TLN1: variants seen among roughly 807,000 people sequenced by gnomAD.
The protein encoded by TLN1 is talin 1.
A neutral mutation model predicts 292.3 loss-of-function variants in TLN1; 56 were observed. That is an observed-to-expected ratio of 0.19 (90% CI 0.15 to 0.24). The LOEUF is 0.24. TLN1 is among the 10% of genes least tolerant of loss of function. TLN1 has a pLI of 1.00. For synonymous variants in TLN1, 1,119 were observed against 1,253.7 expected (o/e 0.89, Z 2.27); for missense variants, 2,433 against 3,248.2 (o/e 0.75, Z 6.10).
rs202220405 is a variant in TLN1 at position 35,697,931 on chromosome 9, C to T, written c.7501-15G>A. On this transcript the variant is annotated splice_polypyrimidine_tract_variant and intron_variant, in intron 56 of 56. Coordinates refer to ENST00000314888, the MANE Select transcript of TLN1 (RefSeq NM_006289.4). ...GCTGCGATGATCTGAGGGTGGAGAT[C>T]GGGGACTTAGTTCAGTGAGGATGCA... 66 of 1,613,944 alleles carry T rather than the reference C, an allele frequency of 4.1e-5. No individual in the cohort carries two copies. Among genetic ancestry groups the T allele is most frequent in the Non-Finnish European group, 5.3e-5 (62 of 1,180,000 alleles).
intron 3 of TLN1, 81 bp downstream of exon 3, chr9:35,725,143 T>C (rs1825947685): frequency 6.4e-7 from 1 of 1,550,410 alleles, no homozygotes; most frequent in African/African-American, 1.4e-5. Context: ...AGACAACAGA[T>C]GTGGGTGCTG....
intron 1 of TLN1, among the ~76,000 whole-genome samples, chr9:35,729,537 G>A (rs532333966): frequency 1.2e-4 from 19 of 152,290 alleles, no homozygotes; most frequent in East Asian, 1.9e-4. Context: ...AGACATAACC[G>A]GAACTGGATT....
At chr9:35,700,137 C>G (rs1419089917) in intron 49 of TLN1, 54 bp downstream of exon 49, 2 of 1,592,502 alleles carry the variant, frequency 1.3e-6, no homozygotes, top group Non-Finnish European at 1.7e-6. Flanking sequence ...CAGTTTCTCT[C>G]CCACTATGTT....
Position 35,698,352 on chromosome 9 carries a change from G to T in TLN1, c.7342C>A (p.Gln2448Lys), listed in dbSNP as rs1445829432. 1.2e-6 allele frequency: 2 copies of T among 1,614,164 alleles called. No homozygotes were observed. The highest frequency in any genetic ancestry group is 4.5e-5 in the East Asian group (2 of 44,890). ...LLVACKVKAD[Q>K]DSEAMKRLQA... ...AGTCGTTTCATTGCCTCCGAGTCCT[G>T]GTCAGCCTTGACCTTGCAGGCCACA... Residue 2448 changes from glutamine to lysine, a missense_variant, in exon 55 of 57, where the codon CAG (glutamine) becomes AAG (lysine). By Grantham distance (53) the Gln-to-Lys change is moderately conservative. This residue lies in a region of TLN1 where 141 missense variants were observed against 248.5 expected (regional missense o/e 0.57). Coordinates refer to ENST00000314888, the MANE Select transcript of TLN1 (RefSeq NM_006289.4). This position sits in a 1 kb window ranked among gnomAD's most constrained non-coding sequence, Gnocchi z 5.3.
In TLN1 at chr9:35,707,261, G is replaced by A; in HGVS notation, c.4774-8C>T. On this transcript the variant is annotated splice_region_variant and splice_polypyrimidine_tract_variant and intron_variant, in intron 36 of 56. Transcript: ENST00000314888. This position sits in a 1 kb window ranked among gnomAD's most constrained non-coding sequence, Gnocchi z 5.6. ...CTCCATGGCAGCCCGACCCTGGGGA[G>A]AGGGGAGGCAGGAAGGTAAGTCTCA... is the stretch of plus-strand genomic sequence containing the variant. 5.6e-6 allele frequency: 9 copies of A among 1,603,476 alleles called. No homozygotes were observed. Among genetic ancestry groups the A allele is most frequent in the Non-Finnish European group, 6.8e-6 (8 of 1,172,574 alleles).
In TLN1 at chr9:35,706,857, C is replaced by G; in HGVS notation, c.4999G>C (p.Ala1667Pro). The G allele has an allele frequency of 6.2e-7, 1 of 1,614,090 alleles. No homozygotes were observed. The highest frequency in any genetic ancestry group is 8.5e-7 in the Non-Finnish European group (1 of 1,180,044). The change falls in exon 38 of 57, where the codon GCT (alanine) becomes CCT (proline). Residue 1667 changes from alanine (A) to proline (P), a missense_variant. Transcript: ENST00000314888. The surrounding 1 kb of genome is among the most constrained non-coding windows in gnomAD (Gnocchi z 4.2). The part of the protein sequence containing the change: ...GQLECETAIA[A>P]LNSCLRDLDQ... ...AGGTCCCGTAGACAACTGTTCAGAG[C>G]TGCAATGGCCGTTTCACACTCCAGC...
Position 35,706,039 on chromosome 9 carries a change from T to C in TLN1, c.5434A>G (p.Thr1812Ala), listed in dbSNP as rs769786192. The C allele has an allele frequency of 4.3e-6, 7 of 1,614,072 alleles. No individual in the cohort carries two copies. The highest frequency in any genetic ancestry group is 1.3e-5 in the African/African-American group (1 of 74,926). The change falls in exon 41 of 57, where the codon ACA (threonine) becomes GCA (alanine). Residue 1812 changes from threonine to alanine, a missense_variant. Transcript: ENST00000314888. The surrounding 1 kb of genome is among the most constrained non-coding windows in gnomAD (Gnocchi z 4.2). ...MMTEAVEDLT[T>A]TLNEAASAAG... ...GCACTGGCTGCCTCGTTGAGGGTTG[T>C]TGTCAGGTCCTCTACGGCCTCGGTC...
chr9:35,699,136 C>T lies in TLN1; in HGVS notation c.6895G>A (p.Glu2299Lys). The T allele has an allele frequency of 6.2e-7, 1 of 1,612,740 alleles. No homozygotes were observed. The highest frequency in any genetic ancestry group is 8.5e-7 in the Non-Finnish European group (1 of 1,179,202). ...AMKGTEWVDP[E>K]DPTVIAENEL... ...TTCTCAGCAATGACTGTGGGGTCCT[C>T]TGGGTCTACCCATTCTGTTCCTGGT... The change falls in exon 52 of 57, where the codon GAG becomes AAG. Residue 2299 changes from glutamate (E) to lysine (K), a missense_variant. Physicochemically the swap from Glu to Lys is moderately conservative, Grantham distance 56. Transcript: ENST00000314888. This position sits in a 1 kb window ranked among gnomAD's most constrained non-coding sequence, Gnocchi z 4.0.
In TLN1 at chr9:35,699,559, T is replaced by C. The variant is rs1055059387; in HGVS notation, c.6769-98A>G. On this transcript the variant is annotated intron_variant, in intron 50 of 56. Coordinates refer to ENST00000314888, the MANE Select transcript of TLN1 (RefSeq NM_006289.4). This position sits in a 1 kb window ranked among gnomAD's most constrained non-coding sequence, Gnocchi z 4.0. Reference sequence around the variant, plus strand: ...ACCATGGCCCCCTCACCCCTATCCCTAGAGCACTCCACACCATAGCCCTCA... The same window carrying C: ...ACCATGGCCCCCTCACCCCTATCCCCAGAGCACTCCACACCATAGCCCTCA... The C allele has an allele frequency of 3.1e-5, 45 of 1,472,134 alleles. No individual in the cohort carries two copies. In the African/African-American group the frequency reaches 6.0e-4, roughly 20 times the overall value. The allele number at this position is 1,472,134 out of a possible 1,614,324, so 91.2% of individuals were successfully genotyped here.
rs761589467 is a variant in TLN1, at chr9:35,722,198, C to G, written c.869G>C (p.Ser290Thr). 30 of 1,614,236 alleles carry G rather than the reference C, an allele frequency of 1.9e-5. No homozygotes were observed. In the East Asian group the frequency reaches 6.5e-4, roughly 35 times the overall value. ...GTAGCGGACCTTGGCCTCAATCTCA[C>G]TCATCTGCCCACAATTCTTGTGTGC... Reference protein sequence around the residue: ...FQAHKNCGQMSEIEAKVRYVK... With the variant: ...FQAHKNCGQMTEIEAKVRYVK... Residue 290 changes from serine to threonine, a missense_variant, in exon 9 of 57, where the codon AGT becomes ACT. By Grantham distance (58) the Ser-to-Thr change is moderately conservative. Coordinates refer to ENST00000314888, the MANE Select transcript of TLN1 (RefSeq NM_006289.4).
Position 35,717,718 on chromosome 9 carries a change from A to G in TLN1, c.2064T>C (p.Ser688=). ...CCGAGTCCTCTGTCCGCTGGGCCAC[A>G]CTCTTGGCCTTGAGGACCAGGGCAG... ...AAAALVLKAK[S]VAQRTEDSGL... Residue 688 remains serine, a synonymous_variant, in exon 18 of 57, where the codon AGT becomes AGC. Transcript: ENST00000314888. This position sits in a 1 kb window ranked among gnomAD's most constrained non-coding sequence, Gnocchi z 4.7. 1 of 1,613,618 alleles carries G rather than the reference A, an allele frequency of 6.2e-7. No individual in the cohort carries two copies. The highest frequency in any genetic ancestry group is 8.5e-7 in the Non-Finnish European group (1 of 1,179,738).
chr9:35,707,102 T>C lies in TLN1; in HGVS notation c.4925A>G (p.Asp1642Gly), dbSNP rs780623928. Residue 1642 changes from aspartate (D) to glycine (G), a missense_variant, in exon 37 of 57, where the codon GAC becomes GGC. By Grantham distance (94) the Asp-to-Gly change is moderately conservative (BLOSUM62 -1). Transcript: ENST00000314888. This position sits in a 1 kb window ranked among gnomAD's most constrained non-coding sequence, Gnocchi z 5.6. ...GCTTGTAATTAGCTTCTTGATGGAGTCTGAGACAGTACGGGAGTGGCCGGC... is the reference window on the plus strand; with the variant it reads ...GCTTGTAATTAGCTTCTTGATGGAGCCTGAGACAGTACGGGAGTGGCCGGC... ...VLAGHSRTVS[D>G]SIKKLITSMR... 1.9e-6 allele frequency: 3 copies of C among 1,612,682 alleles called. No homozygotes were observed. The highest frequency in any genetic ancestry group is 2.5e-6 in the Non-Finnish European group (3 of 1,179,700).
chr9:35,717,545 A>C lies in TLN1; in HGVS notation c.2163+74T>G. On this transcript the variant is annotated intron_variant, in intron 18 of 56. Transcript: ENST00000314888. The surrounding 1 kb of genome is among the most constrained non-coding windows in gnomAD (Gnocchi z 4.7). Reference sequence around the variant, plus strand: ...GTGAGGAGGCCTCCAGAGCCAAAGAAATAAAATGAAAGGCTCACGTGTGTG... The same window carrying C: ...GTGAGGAGGCCTCCAGAGCCAAAGACATAAAATGAAAGGCTCACGTGTGTG... 3.2e-6 allele frequency: 5 copies of C among 1,577,982 alleles called. No homozygotes were observed. The highest frequency in any genetic ancestry group is 2.3e-5 in the East Asian group (1 of 44,298).
chr9:35,725,100 T>C, intron 3 of TLN1, 124 bp downstream of exon 3: 1 of 1,533,196 alleles, frequency 6.5e-7, no homozygotes, highest in Non-Finnish European at 8.9e-7. Flanking sequence ...TATGACTGTC[T>C]GTTAATAGGA....
chr9:35,697,939 T>C (rs1436647565), intron 56 of TLN1, 23 bp from the exon 57 acceptor site: 3 of 1,614,044 alleles, frequency 1.9e-6, no homozygotes, highest in South Asian at 1.1e-5. Context: ...ATCGGGGACT[T>C]AGTTCAGTGA....
In TLN1 at chr9:35,721,775, A is replaced by G. The variant is rs1825882950; in HGVS notation, c.977T>C (p.Val326Ala). 6.2e-7 allele frequency: 1 copy of G among 1,612,824 alleles called. No homozygotes were observed. Among genetic ancestry groups the G allele is most frequent in the South Asian group, 1.1e-5 (1 of 91,078 alleles). Residue 326 changes from valine (V) to alanine (A), a missense_variant, in exon 10 of 57, where the codon GTG (valine) becomes GCG (alanine). Physicochemically the swap from Val to Ala is moderately conservative, Grantham distance 64. Coordinates refer to ENST00000314888, the MANE Select transcript of TLN1 (RefSeq NM_006289.4). The stretch of plus-strand genomic sequence containing the variant: ...CTTGGTGATGCCCAGAAGCCTGGGC[A>G]CTAGCTTGTTCTTCCCTTTCATTTT... ...KEKMKGKNKL[V>A]PRLLGITKEC...
intron 27 of TLN1, 111 bp downstream of exon 27, chr9:35,712,724 G>T: frequency 1.2e-6 from 1 of 853,956 alleles, no homozygotes; most frequent in Non-Finnish European, 1.8e-6. Flanking sequence ...GCAGACCCAA[G>T]AAGACATCAC....
chr9:35,697,933 G>A lies in TLN1; in HGVS notation c.7501-17C>T. On this transcript the variant is annotated splice_polypyrimidine_tract_variant and intron_variant, in intron 56 of 56. Transcript: ENST00000314888. ...TGCGATGATCTGAGGGTGGAGATCG[G>A]GGACTTAGTTCAGTGAGGATGCACA... The A allele has an allele frequency of 6.2e-7, 1 of 1,614,058 alleles. No individual in the cohort carries two copies. The highest frequency in any genetic ancestry group is 1.7e-5 in the Admixed American group (1 of 60,018).
rs1271221856 is a variant in TLN1, at chr9:35,719,070, T to C, written c.1896+4A>G. The stretch of plus-strand genomic sequence containing the variant: ...CACCCTAACCCAAACCTGTGGCCCC[T>C]GACCTCAGCACTGGCTGGTTGGGCA... On this transcript the variant is annotated splice_donor_region_variant and intron_variant, in intron 16 of 56. Transcript: ENST00000314888. This position sits in a 1 kb window ranked among gnomAD's most constrained non-coding sequence, Gnocchi z 4.6. The C allele has an allele frequency of 1.9e-6, 3 of 1,610,100 alleles. No homozygotes were observed. The highest frequency in any genetic ancestry group is 2.2e-5 in the East Asian group (1 of 44,802).
Sources: allele counts gnomAD v4.1 joint callset (sites outside exome capture counted in the v4.1 genomes callset), GRCh38; gene constraint gnomAD v4.1.1; regional missense constraint gnomAD v4.1.1; non-coding constraint Gnocchi (gnomAD v3.1); transcripts MANE v1.5; gene names NCBI Gene and HGNC (gene_info 2026-07-23, HGNC 2026-07-21).